The following NRXN1 variants were observed in gnomAD, a reference collection of about 807,000 sequenced individuals.
The protein encoded by NRXN1 is neurexin-1.
In NRXN1, 39 loss-of-function variants were observed where a neutral mutation model predicts 150.9. The ratio of observed to expected loss-of-function variants is 0.26; its 90% CI spans 0.20 to 0.34. The LOEUF is 0.34. Ranked by LOEUF, NRXN1 falls within the 10% of genes least tolerant of loss-of-function variation. The pLI is 1.00. For missense variants in NRXN1, 1,815 were observed against 1,949.9 expected, an observed-to-expected ratio of 0.93 and a Z score of 1.30; for synonymous variants, 924 against 757.0, an observed-to-expected ratio of 1.22 and a Z score of -3.62.
At chr2:50,916,068 G>T (rs991261327) in intron 5 of NRXN1, among the ~76,000 whole-genome samples, 10 of 145,954 alleles carry the variant, frequency 6.9e-5, no homozygotes, top group African/African-American at 2.5e-4. Context: ...ATCTGTGAAT[G>T]GTTTCCTTTA....
chr2:51,001,770 A>C (rs966756652), intron 2 of NRXN1, among the ~76,000 whole-genome samples: 7 of 151,986 alleles, frequency 4.6e-5, no homozygotes, highest in Admixed American at 1.3e-4. Flanking sequence ...TAATATCCCC[A>C]AATATAACAG....
intron 10 of NRXN1, among the ~76,000 whole-genome samples, chr2:50,535,870 T>A (rs1014890958): frequency 6.6e-6 from 1 of 152,204 alleles, no homozygotes; most frequent in Non-Finnish European, 1.5e-5. Context: ...ACATGTTTTT[T>A]AATTACTTTG....
chr2:50,102,085 G>A (rs1365079803), intron 18 of NRXN1, among the ~76,000 whole-genome samples: 1 of 151,970 alleles, frequency 6.6e-6, no homozygotes, highest in Non-Finnish European at 1.5e-5. Context: ...TGTTATCCCT[G>A]AAGTGGTAAG....
At chr2:50,503,722 C>T (rs2092075530) in intron 13 of NRXN1, among the ~76,000 whole-genome samples, 1 of 152,072 alleles carries the variant, frequency 6.6e-6, no homozygotes, top group African/African-American at 2.4e-5. Flanking sequence ...AAGCAAAACT[C>T]TGCAATAGAT....
intron 5 of NRXN1, among the ~76,000 whole-genome samples, chr2:50,885,933 T>C (rs1022689417): frequency 2.0e-5 from 3 of 151,360 alleles, no homozygotes; most frequent in African/African-American, 7.3e-5. Context: ...AATAACTCTC[T>C]GTGGGGGAGA....
rs553988952 is a variant in NRXN1, at chr2:50,373,757, T to C, written c.3364+91685A>G. Among the ~76,000 whole-genome samples, 5 of 151,882 alleles carry C rather than the reference T, an allele frequency of 3.3e-5. No homozygotes were observed. The South Asian group carries it at 1.0e-3, about 32-fold the overall frequency. On this transcript the variant is annotated intron_variant, in intron 17 of 22. Coordinates refer to ENST00000401669, the MANE Select transcript of NRXN1 (RefSeq NM_001330078.2). ...TAGTCACATATTCTGTATTGTTTTC[T>C]GAGAATCCTGGGGAGTAGGGGTTAC...
In NRXN1 at chr2:50,939,008, G is replaced by C. The variant is rs575027877; in HGVS notation, c.773-13053C>G. On this transcript the variant is annotated intron_variant, in intron 2 of 22. Coordinates refer to ENST00000401669, the MANE Select transcript of NRXN1 (RefSeq NM_001330078.2). Reference sequence around the variant, plus strand: ...AGGAGGATCACGAGGTCAGGAGATCGAGACCATCCTGGTTAACATGGTGAA... The same window carrying C: ...AGGAGGATCACGAGGTCAGGAGATCCAGACCATCCTGGTTAACATGGTGAA... 3.3e-5 allele frequency among the ~76,000 whole-genome samples: 5 copies of C among 152,082 alleles called. No individual in the cohort carries two copies. In the East Asian group the frequency reaches 7.8e-4, roughly 24 times the overall value.
chr2:50,382,270 T>C (rs12472389), intron 17 of NRXN1, among the ~76,000 whole-genome samples: 13,714 of 152,198 alleles, frequency 0.09, 827 homozygotes, highest in Non-Finnish European at 0.13. Flanking sequence ...TACTTCCCCA[T>C]TGTATTGATT....
Position 50,405,981 on chromosome 2 carries a change from A to T in NRXN1, c.3364+59461T>A, listed in dbSNP as rs184876532. Among the ~76,000 whole-genome samples, 231 of 152,286 alleles carry T rather than the reference A, an allele frequency of 1.5e-3. 1 individual carries two copies. Among genetic ancestry groups the T allele is most frequent in the Non-Finnish European group, 2.0e-3 (137 of 68,002 alleles). Reference sequence around the variant, plus strand: ...GTTTTATAGATGAGGAAATTCAGCCACAGATTGGTAAATCATTTGTCCAAG... The same window carrying T: ...GTTTTATAGATGAGGAAATTCAGCCTCAGATTGGTAAATCATTTGTCCAAG... On this transcript the variant is annotated intron_variant, in intron 17 of 22. Transcript: ENST00000401669.
Position 50,935,868 on chromosome 2 carries a change from A to C in NRXN1, c.773-9913T>G, listed in dbSNP as rs147310077. 6.6e-3 allele frequency among the ~76,000 whole-genome samples: 1,005 copies of C among 152,236 alleles called. 14 individuals are homozygous for C. The highest frequency in any genetic ancestry group is 0.022 in the African/African-American group (933 of 41,548). ...GATGTATAATAAAAATTTATAATAGACTTTGCCAAGTCTATTTTAGTATTT... is the reference window on the plus strand; with the variant it reads ...GATGTATAATAAAAATTTATAATAGCCTTTGCCAAGTCTATTTTAGTATTT... On this transcript the variant is annotated intron_variant, in intron 2 of 22. Coordinates refer to ENST00000401669, the MANE Select transcript of NRXN1 (RefSeq NM_001330078.2).
intron 17 of NRXN1, among the ~76,000 whole-genome samples, chr2:50,356,612 T>C (rs933173949): frequency 1.1e-4 from 16 of 152,180 alleles, no homozygotes; most frequent in Admixed American, 8.5e-4. Context: ...AAGACCTCTG[T>C]GGAATTGTTC....
intron 17 of NRXN1, among the ~76,000 whole-genome samples, chr2:50,399,807 A>ATTCTC (rs1558664675): frequency 2.1e-4 from 4 of 18,738 alleles, no homozygotes; most frequent in Non-Finnish European, 3.3e-4. Context: ...AAAAAAAAAA[A>ATTCTC]AAAAAAAAAA....
At chr2:50,769,035 G>T (rs899927955) in intron 5 of NRXN1, among the ~76,000 whole-genome samples, 40 of 152,080 alleles carry the variant, frequency 2.6e-4, no homozygotes, top group African/African-American at 8.0e-4. Flanking sequence ...AAAGTAGCAA[G>T]TGTTAACACC....
intron 21 of NRXN1, among the ~76,000 whole-genome samples, chr2:49,978,221 T>A (rs1398085729): frequency 1.3e-5 from 2 of 151,992 alleles, no homozygotes; most frequent in Non-Finnish European, 2.9e-5. Context: ...AGGAAATATA[T>A]AAAGGAGAGG....
intron 21 of NRXN1, among the ~76,000 whole-genome samples, chr2:50,041,712 G>A (rs1690994346): frequency 6.6e-6 from 1 of 152,164 alleles, no homozygotes; most frequent in Non-Finnish European, 1.5e-5. Context: ...AATAACAAAG[G>A]TGACTGAAAG....
chr2:50,550,110 A>G (rs967524086), intron 9 of NRXN1, among the ~76,000 whole-genome samples: 11 of 152,184 alleles, frequency 7.2e-5, no homozygotes, highest in African/African-American at 2.7e-4. Flanking sequence ...TTACATTCAT[A>G]TAGTTAGAAA....
intron 8 of NRXN1, among the ~76,000 whole-genome samples, chr2:50,607,179 G>T (rs1182379764): frequency 6.6e-6 from 1 of 152,210 alleles, no homozygotes; most frequent in African/African-American, 2.4e-5. Context: ...ACACCTCCTT[G>T]TTCTCTGCAA....
chr2:50,221,776 C>A (rs2063909652), intron 18 of NRXN1, among the ~76,000 whole-genome samples: 1 of 151,944 alleles, frequency 6.6e-6, no homozygotes, highest in Non-Finnish European at 1.5e-5. Flanking sequence ...TTAGCAAATG[C>A]CACAGAACAT....
At chr2:50,286,367 GA>G (rs1161644725) in intron 17 of NRXN1, among the ~76,000 whole-genome samples, 2 of 152,018 alleles carry the variant, frequency 1.3e-5, no homozygotes, top group Admixed American at 6.6e-5. Flanking sequence ...ATCAACATAT[GA>G]GTGAGATCAT....
Sources: gnomAD v4.1 joint callset for allele counts (sites outside exome capture counted in the v4.1 genomes callset) on GRCh38, gnomAD v4.1.1 for gene constraint, MANE v1.5 for transcripts, NCBI Gene and HGNC (gene_info 2026-07-23, HGNC 2026-07-21) for gene names.